Variants in DLG2 observed in about 807,000 individuals in gnomAD.
DLG2 encodes discs large MAGUK scaffold protein 2.
DLG2 carries 45 observed loss-of-function variants against 132.5 expected under a neutral mutation model. That is an observed-to-expected ratio of 0.34 (90% CI 0.27 to 0.44). The LOEUF (loss-of-function observed/expected upper bound fraction) is 0.44. Ranked by LOEUF, DLG2 falls within the 20% of genes least tolerant of loss-of-function variation. The pLI is 1.00. For missense variants in DLG2, 1,045 were observed against 1,196.9 expected (o/e 0.87, Z 1.87); for synonymous variants, 424 against 419.6 (o/e 1.01, Z -0.13).
chr11:84,826,825 C>T (rs554469629), intron 6 of DLG2, among the ~76,000 whole-genome samples: 4 of 151,970 alleles, frequency 2.6e-5, no homozygotes, highest in African/African-American at 7.2e-5. Flanking sequence ...AATAACCAGA[C>T]TAACCTTCTC....
chr11:83,868,523 T>C (rs1208088864), intron 16 of DLG2, among the ~76,000 whole-genome samples: 1 of 152,108 alleles, frequency 6.6e-6, no homozygotes, highest in East Asian at 1.9e-4. Flanking sequence ...TACATATGTG[T>C]GTGTATATAT....
chr11:84,099,012 C>G lies in DLG2; in HGVS notation c.660G>C (p.Gly220=), dbSNP rs188671875. The G allele has an allele frequency of 1.2e-6, 2 of 1,612,646 alleles. No individual in the cohort carries two copies. Among genetic ancestry groups the G allele is most frequent in the African/African-American group, 1.3e-5 (1 of 74,826 alleles). ...NSGLGFSIAG[G]TDNPHIGDDP... is the part of the protein sequence containing the mutation. ...CATCTCCAATGTGGGGATTATCTGT[C>G]CCCCCAGCAATACTGAATCCCAGGC... is the stretch of plus-strand genomic sequence containing the variant. The change falls in exon 10 of 28, where the codon GGG becomes GGC. Residue 220 remains glycine (G), a synonymous_variant. Transcript: ENST00000376104.
At chr11:84,872,519 A>G (rs1446788109) in intron 6 of DLG2, among the ~76,000 whole-genome samples, 1 of 152,230 alleles carries the variant, frequency 6.6e-6, no homozygotes, top group East Asian at 1.9e-4. Context: ...ATAGAGTTGT[A>G]CACACAATGC....
chr11:84,509,961 T>C (rs1423656741), intron 7 of DLG2, among the ~76,000 whole-genome samples: 1 of 151,786 alleles, frequency 6.6e-6, no homozygotes, highest in African/African-American at 2.4e-5. Flanking sequence ...AAACCTTATA[T>C]ATGAAGAAGC....
chr11:85,035,971 G>A (rs1472387344), intron 6 of DLG2, among the ~76,000 whole-genome samples: 1 of 152,070 alleles, frequency 6.6e-6, no homozygotes, highest in East Asian at 1.9e-4. Context: ...CTTTTGTTGA[G>A]AATAAAAAAG....
intron 6 of DLG2, among the ~76,000 whole-genome samples, chr11:84,886,558 A>T (rs1430672748): frequency 6.6e-6 from 1 of 152,156 alleles, no homozygotes; most frequent in African/African-American, 2.4e-5. Flanking sequence ...GCCACAACTC[A>T]TGAGATCATT....
chr11:83,991,085 C>A (rs1320655930), intron 11 of DLG2, among the ~76,000 whole-genome samples: 1 of 151,978 alleles, frequency 6.6e-6, no homozygotes, highest in South Asian at 2.1e-4. Context: ...TTAACAAATA[C>A]CAAAAAAAAG....
At chr11:83,937,228 C>G (rs1199643966) in intron 14 of DLG2, among the ~76,000 whole-genome samples, 1 of 152,072 alleles carries the variant, frequency 6.6e-6, no homozygotes, top group Non-Finnish European at 1.5e-5. Context: ...TTGAAACCAG[C>G]CGGGCGCGGT....
intron 7 of DLG2, among the ~76,000 whole-genome samples, chr11:84,455,972 C>T (rs572436667): frequency 3.3e-5 from 5 of 151,362 alleles, no homozygotes; most frequent in African/African-American, 1.2e-4. Context: ...ATTTGGCTCA[C>T]ATTAAGGTTG....
At chr11:84,038,677 T>C (rs576044952) in intron 11 of DLG2, among the ~76,000 whole-genome samples, 2 of 152,222 alleles carry the variant, frequency 1.3e-5, no homozygotes, top group Non-Finnish European at 2.9e-5. Context: ...TCTATGTATA[T>C]ATAAGTCTGT....
intron 3 of DLG2, among the ~76,000 whole-genome samples, chr11:85,477,407 C>T (rs530100846): frequency 2.0e-5 from 3 of 152,148 alleles, no homozygotes; most frequent in East Asian, 1.9e-4. Context: ...AAATGAGACA[C>T]AAAAAACAAA....
chr11:83,703,086 A>G (rs1354116864), intron 18 of DLG2, among the ~76,000 whole-genome samples: 1 of 152,240 alleles, frequency 6.6e-6, no homozygotes, highest in Non-Finnish European at 1.5e-5. Context: ...AGCCCCAGGA[A>G]AGCCACATGC....
intron 6 of DLG2, among the ~76,000 whole-genome samples, chr11:84,767,379 C>T (rs907133885): frequency 2.6e-5 from 4 of 152,056 alleles, no homozygotes; most frequent in South Asian, 2.1e-4. Context: ...TAAACTACCA[C>T]GTTTATGGCT....
chr11:85,615,466 G>C (rs776291531), intron 2 of DLG2, among the ~76,000 whole-genome samples: 1 of 151,772 alleles, frequency 6.6e-6, no homozygotes, highest in Non-Finnish European at 1.5e-5. Context: ...GCAGTGAGCT[G>C]AGATCATGCC....
At chr11:84,562,651 T>C (rs1174782192) in intron 6 of DLG2, among the ~76,000 whole-genome samples, 1 of 152,170 alleles carries the variant, frequency 6.6e-6, no homozygotes, top group Non-Finnish European at 1.5e-5. Context: ...CTATAGTAGA[T>C]GTGTCTTGTG....
intron 3 of DLG2, among the ~76,000 whole-genome samples, chr11:85,564,540 GC>G (rs1443072341): frequency 5.9e-5 from 9 of 151,814 alleles, no homozygotes. Context: ...AAAGTATTTT[GC>G]CACTTTTGTC....
intron 18 of DLG2, among the ~76,000 whole-genome samples, chr11:83,739,467 A>G (rs916574122): frequency 2.6e-5 from 4 of 152,214 alleles, no homozygotes; most frequent in African/African-American, 9.6e-5. Flanking sequence ...CTTAAATCAT[A>G]TAATACTTCT....
chr11:83,711,545 G>C (rs1035054185), intron 18 of DLG2, among the ~76,000 whole-genome samples: 1 of 152,154 alleles, frequency 6.6e-6, no homozygotes, highest in African/African-American at 2.4e-5. Flanking sequence ...TTATTCTGAA[G>C]TAACACACTT....
At chr11:85,068,391 T>C (rs2065258509) in intron 6 of DLG2, among the ~76,000 whole-genome samples, 1 of 152,102 alleles carries the variant, frequency 6.6e-6, no homozygotes, top group Non-Finnish European at 1.5e-5. Context: ...TGATTATATA[T>C]GTAGGAAACC....
Sources: gnomAD v4.1 joint callset for allele counts (sites outside exome capture counted in the v4.1 genomes callset) on GRCh38, gnomAD v4.1.1 for gene constraint, MANE v1.5 for transcripts, NCBI Gene and HGNC (gene_info 2026-07-23, HGNC 2026-07-21) for gene names.